NRAP: variants seen among roughly 807,000 people sequenced by gnomAD.
NRAP encodes nebulin related anchoring protein, also known as nebulin-related-anchoring protein.
A neutral mutation model predicts 225.9 loss-of-function variants in NRAP; 189 were observed. That is an observed-to-expected ratio of 0.84 (90% confidence interval 0.74 to 0.94). NRAP has a LOEUF of 0.94. NRAP is among the 40% of genes least tolerant of loss of function. The probability of loss-of-function intolerance (pLI) is 0.00; values close to 1 mark genes in which losing one functional copy is unlikely to be tolerated. For synonymous variants in NRAP, 769 were observed against 790.7 expected (o/e 0.97, Z 0.46); for missense variants, 2,176 against 2,168.7 (o/e 1.00, Z -0.07).
At chr10:113,659,076 A>G (rs1020198050) in intron 3 of NRAP, among the ~76,000 whole-genome samples, 2 of 152,154 alleles carry the variant, frequency 1.3e-5, no homozygotes, top group Non-Finnish European at 2.9e-5. Context: ...TACTTGATGC[A>G]TATATTTTTA....
At chr10:113,627,104 G>C (rs996601461) in intron 20 of NRAP, among the ~76,000 whole-genome samples, 1 of 152,172 alleles carries the variant, frequency 6.6e-6, no homozygotes, top group Non-Finnish European at 1.5e-5. Flanking sequence ...CACAGTGATT[G>C]GAACACTGGA....
At chr10:113,605,648 C>A (rs1846912058) in intron 34 of NRAP, 114 bp downstream of exon 34, 6 of 718,700 alleles carry the variant, frequency 8.3e-6, no homozygotes, top group Non-Finnish European at 1.3e-5. Flanking sequence ...CAGGTGACAT[C>A]CTGTCTCACA....
At position 113,662,738 on chromosome 10, in the gene NRAP, T is replaced by G. The variant is rs769358261; in HGVS notation, c.196A>C (p.Ser66Arg). 2 of 1,599,390 alleles carry G rather than the reference T, an allele frequency of 1.3e-6. No homozygotes were observed. The highest frequency in any genetic ancestry group is 1.7e-6 in the Non-Finnish European group (2 of 1,167,138). Residue 66 changes from serine to arginine, a missense_variant, in exon 3 of 42, where the codon AGT (serine) becomes CGT (arginine). Around this residue, in one of 3 missense-constraint regions of NRAP, gnomAD observed 1,708 missense variants for 1,695.5 expected, o/e 1.01. Coordinates refer to ENST00000359988, the MANE Select transcript of NRAP (RefSeq NM_198060.4). ...AGATTTAATGGAGTGTGATAGACAC[T>G]GGTGAAAGTGTTGTTCTTAGGGTTA... ...AHNPKNNTFT[S>R]VYHTPLNLNV...
chr10:113,644,445 A>T (rs1261889294), intron 11 of NRAP, among the ~76,000 whole-genome samples: 1 of 152,162 alleles, frequency 6.6e-6, no homozygotes, highest in Non-Finnish European at 1.5e-5. Flanking sequence ...ATTATACTCA[A>T]CTCTGCCCTT....
intron 12 of NRAP, 112 bp downstream of exon 12, chr10:113,642,822 C>T: frequency 1.5e-6 from 1 of 645,708 alleles, no homozygotes; most frequent in East Asian, 2.7e-5. Flanking sequence ...GCCTAAAAGG[C>T]CATGCTTCTC....
At position 113,632,762 on chromosome 10, in the gene NRAP, T is replaced by TCTTAAAA. The variant is rs368916476; in HGVS notation, c.1632+315_1632+321dup. Among the ~76,000 whole-genome samples the TCTTAAAA allele has an allele frequency of 1.1e-3, 174 of 152,344 alleles. 6 individuals carry two copies. The highest frequency in any genetic ancestry group is 4.1e-3 in the African/African-American group (170 of 41,582). On this transcript the variant is annotated intron_variant, in intron 16 of 41. Coordinates refer to ENST00000359988, the MANE Select transcript of NRAP (RefSeq NM_198060.4). Reference sequence around the variant, plus strand: ...AGAATCTGATGATGCAGATTGATCTTCTTAAAACTTAAATTTCCTCCACAC... The same window carrying TCTTAAAA: ...AGAATCTGATGATGCAGATTGATCTTCTTAAAACTTAAAACTTAAATTTCCTCCACAC...
chr10:113,606,240 T>C lies in NRAP; in HGVS notation c.3745A>G (p.Thr1249Ala), dbSNP rs773054136. ...AACTCGGGCAGACCCAGGGTCATTG[T>C]ATACTCGTGTCTTGCATCCTCTCCA... ...AAGEDARHEY[T>A]MTLGLPEFIR... Residue 1249 changes from threonine to alanine, a missense_variant, in exon 33 of 42, where the codon ACA becomes GCA. By Grantham distance (58) the Thr-to-Ala change is moderately conservative. Transcript: ENST00000359988. The C allele has an allele frequency of 4.3e-6, 7 of 1,614,138 alleles. No individual in the cohort carries two copies. The Admixed American group carries it at 5.0e-5, about 12-fold the overall frequency.
In NRAP at chr10:113,631,703, G is replaced by C. The variant is rs145211568; in HGVS notation, c.1741-93C>G. ...TAACAAGTGCAAGGGGAACAATTCT[G>C]AAAAAACACCTCCCAGTCTTTCACA... On this transcript the variant is annotated intron_variant, in intron 17 of 41. Coordinates refer to ENST00000359988, the MANE Select transcript of NRAP (RefSeq NM_198060.4). The C allele has an allele frequency of 9.0e-4, 838 of 933,684 alleles. 11 individuals are homozygous for C. The East Asian group carries it at 0.013, about 14-fold the overall frequency. 57.8% of individuals were successfully genotyped at this position (933,684 alleles called of 1,614,324 possible).
At position 113,650,055 on chromosome 10, in the gene NRAP, A is replaced by C; in HGVS notation, c.870T>G (p.Cys290Trp). ...CACATACCTGGCCATATTGGTCTGC[A>C]CATTCCCTTGTCAAGATGCCCTCAG... is the stretch of plus-strand genomic sequence containing the variant. ...IGAEGILTRE[C>W]ADQYGQGYPE... is the part of the protein sequence containing the mutation. The change falls in exon 9 of 42, where the codon TGT becomes TGG. Residue 290 changes from cysteine (C) to tryptophan (W), a missense_variant. Coordinates refer to ENST00000359988, the MANE Select transcript of NRAP (RefSeq NM_198060.4). The C allele has an allele frequency of 6.2e-7, 1 of 1,603,526 alleles. No homozygotes were observed. The highest frequency in any genetic ancestry group is 2.2e-5 in the East Asian group (1 of 44,840).
Position 113,650,126 on chromosome 10 carries a change from G to T in NRAP, c.799C>A (p.Gln267Lys). 1.2e-6 allele frequency: 2 copies of T among 1,609,274 alleles called. No homozygotes were observed. Among genetic ancestry groups the T allele is most frequent in the Non-Finnish European group, 1.7e-6 (2 of 1,175,888 alleles). The change falls in exon 9 of 42, where the codon CAA (glutamine) becomes AAA (lysine). Residue 267 changes from glutamine (Q) to lysine (K), a missense_variant. Coordinates refer to ENST00000359988, the MANE Select transcript of NRAP (RefSeq NM_198060.4). Reference protein sequence around the residue: ...ELASDVRYHQQYQKEMRGMAG... With the variant: ...ELASDVRYHQKYQKEMRGMAG... The stretch of plus-strand genomic sequence containing the variant: ...ATTCCCCTCATTTCTTTTTGATATT[G>T]TTGATGGTACCTCACCTGTTTTAAG...
chr10:113,663,283 G>A lies in NRAP; in HGVS notation c.167+69C>T, dbSNP rs74608426. On this transcript the variant is annotated intron_variant, in intron 2 of 41. Transcript: ENST00000359988. ...TAACCCTGGGTTATATGATTTGAAC[G>A]TTTAGTTGGCTCCTTGTTGAAAAAC... 3.9e-3 allele frequency: 3,528 copies of A among 914,150 alleles called. 86 individuals are homozygous for A. The African/African-American group carries it at 0.047, about 12-fold the overall frequency. The allele number at this position is 914,150 out of a possible 1,614,324, so 56.6% of individuals were successfully genotyped here. A position where few individuals can be genotyped will look rare whatever the true frequency, so the allele number is the denominator to read the frequency against.
At chr10:113,652,112 A>G (rs913182337) in intron 6 of NRAP, among the ~76,000 whole-genome samples, 3 of 152,156 alleles carry the variant, frequency 2.0e-5, no homozygotes, top group African/African-American at 7.2e-5. Context: ...GGACTGCCAC[A>G]CTCCAACAAA....
Position 113,654,239 on chromosome 10 carries a change from C to A in NRAP, c.361-114G>T. 1.2e-5 allele frequency: 8 copies of A among 659,150 alleles called. 1 individual carries two copies. Among genetic ancestry groups the A allele is most frequent in the Non-Finnish European group, 2.2e-5 (8 of 362,182 alleles). 40.8% of individuals were successfully genotyped at this position (659,150 alleles called of 1,614,324 possible). A position where few individuals can be genotyped will look rare whatever the true frequency, so the allele number is the denominator to read the frequency against. ...ACATTATAAACTCCTATTGGTAAAT[C>A]CTGGGTCTCAGCTAACTGAAATGTT... On this transcript the variant is annotated intron_variant, in intron 4 of 41. Transcript: ENST00000359988.
At chr10:113,656,734 G>C (rs370428913) in intron 4 of NRAP, among the ~76,000 whole-genome samples, 22 of 152,252 alleles carry the variant, frequency 1.4e-4, no homozygotes, top group African/African-American at 3.6e-4. Flanking sequence ...TCAATAAATG[G>C]TAGCATGTCC....
rs186727687 is a variant in NRAP, at chr10:113,592,398, G to T, written c.4537-97C>A. 50 of 755,410 alleles carry T rather than the reference G, an allele frequency of 6.6e-5. No homozygotes were observed. In the African/African-American group the frequency reaches 7.5e-4, roughly 11 times the overall value. The allele number at this position is 755,410 out of a possible 1,614,324, so 46.8% of individuals were successfully genotyped here. Reference sequence around the variant, plus strand: ...CAGGAGTGGTTCTTAACCTTTGTTGGTTCCTAGGACGGCACAGCCTATAGC... The same window carrying T: ...CAGGAGTGGTTCTTAACCTTTGTTGTTTCCTAGGACGGCACAGCCTATAGC... On this transcript the variant is annotated intron_variant, in intron 38 of 41. Coordinates refer to ENST00000359988, the MANE Select transcript of NRAP (RefSeq NM_198060.4).
chr10:113,629,743 G>A lies in NRAP; in HGVS notation c.1885C>T (p.His629Tyr). The A allele has an allele frequency of 6.2e-7, 1 of 1,613,998 alleles. No individual in the cohort carries two copies. Among genetic ancestry groups the A allele is most frequent in the Non-Finnish European group, 8.5e-7 (1 of 1,179,840 alleles). Reference sequence around the variant, plus strand: ...ATGTTTACCATATCCATGGGCAGGTGAAACCGGGTCTTACTCTCTTCAAAG... The same window carrying A: ...ATGTTTACCATATCCATGGGCAGGTAAAACCGGGTCTTACTCTCTTCAAAG... The part of the protein sequence containing the change: ...KGFEESKTRF[H>Y]LPMDMVNIRH... The change falls in exon 19 of 42, where the codon CAC becomes TAC. Residue 629 changes from histidine to tyrosine, a missense_variant. Transcript: ENST00000359988.
At chr10:113,620,794 C>A (rs1847942627) in intron 24 of NRAP, 86 bp from the exon 25 acceptor site, 7 of 903,574 alleles carry the variant, frequency 7.7e-6, no homozygotes, top group African/African-American at 1.7e-5. Flanking sequence ...CCCAACACAG[C>A]CTTGGTGCCA....
Position 113,612,387 on chromosome 10 carries a change from A to G in NRAP, c.3345T>C (p.His1115=), listed in dbSNP as rs745451000. Residue 1115 remains histidine, a synonymous_variant, in exon 30 of 42, where the codon CAT becomes CAC. Coordinates refer to ENST00000359988, the MANE Select transcript of NRAP (RefSeq NM_198060.4). Reference sequence around the variant, plus strand: ...CCAGGGCGGCCATGTCCAACGGCAGATGGAACTGCGCCTTTGAGTGTTCAA... The same window carrying G: ...CCAGGGCGGCCATGTCCAACGGCAGGTGGAACTGCGCCTTTGAGTGTTCAA... The part of the protein sequence containing the change: ...KGFEHSKAQF[H]LPLDMAALVH... 6.2e-7 allele frequency: 1 copy of G among 1,614,214 alleles called. No homozygotes were observed. Among genetic ancestry groups the G allele is most frequent in the African/African-American group, 1.3e-5 (1 of 75,060 alleles).
intron 22 of NRAP, among the ~76,000 whole-genome samples, chr10:113,624,564 C>A (rs576177861): frequency 6.6e-5 from 10 of 152,174 alleles, no homozygotes; most frequent in Non-Finnish European, 1.5e-4. Flanking sequence ...ACTCTGGCAC[C>A]TAGAATAACC....
Sources: gnomAD v4.1 joint callset for allele counts (sites outside exome capture counted in the v4.1 genomes callset) on GRCh38, gnomAD v4.1.1 for gene constraint, gnomAD v4.1.1 regional missense constraint, MANE v1.5 for transcripts, NCBI Gene and HGNC (gene_info 2026-07-23, HGNC 2026-07-21) for gene names.